Variants in RD3 observed in about 807,000 individuals in gnomAD.
RD3 encodes the protein RD3 regulator of GUCY2D.
A neutral mutation model predicts 16.9 loss-of-function variants in RD3; 11 were observed. The ratio of observed to expected loss-of-function variants is 0.65; its 90% CI spans 0.41 to 1.08. The LOEUF (loss-of-function observed/expected upper bound fraction) is 1.08. RD3 is among the 50% of genes least tolerant of loss of function. The pLI is 0.00. For synonymous variants in RD3, 116 were observed against 114.8 expected (o/e 1.01, Z -0.07); for missense variants, 274 against 267.4 (o/e 1.02, Z -0.17).
intron 1 of RD3, among the ~76,000 whole-genome samples, chr1:211,491,138 C>G (rs957202307): frequency 2.6e-5 from 4 of 152,162 alleles, no homozygotes; most frequent in African/African-American, 9.7e-5. Flanking sequence ...TTGGTCGCAG[C>G]TGGACTTTCC....
chr1:211,479,102 C>T lies in RD3; in HGVS notation c.522G>A (p.Glu174=). The change falls in exon 3 of 3, where the codon GAG becomes GAA. Residue 174 remains glutamate (E), a synonymous_variant. Transcript: ENST00000680073. The part of the protein sequence containing the change: ...SDIRTISEDV[E]RDTPPPLRSW... ...ACCGCAGTGGCGGCGGTGTGTCCCG[C>T]TCCACGTCCTCGGAGATGGTCCTGA... is the stretch of plus-strand genomic sequence containing the variant. 1 of 1,611,548 alleles carries T rather than the reference C, an allele frequency of 6.2e-7. No homozygotes were observed. The highest frequency in any genetic ancestry group is 8.5e-7 in the Non-Finnish European group (1 of 1,179,498).
chr1:211,487,307 G>C (rs901037819), intron 1 of RD3, among the ~76,000 whole-genome samples: 2 of 152,164 alleles, frequency 1.3e-5, no homozygotes, highest in African/African-American at 4.8e-5. Context: ...CCCATAACCT[G>C]CTTTGCCAGG....
Position 211,481,383 on chromosome 1 carries a change from C to G in RD3, c.33G>C (p.Glu11Asp), listed in dbSNP as rs776478767. The change falls in exon 2 of 3, where the codon GAG (glutamate) becomes GAC (aspartate). Residue 11 changes from glutamate (E) to aspartate (D), a missense_variant. Physicochemically the swap from Glu to Asp is conservative, Grantham distance 45. Coordinates refer to ENST00000680073, the MANE Select transcript of RD3 (RefSeq NM_001164688.2). ...TCCTGGTGGACAGCCGGGATGGGGC[C>G]TCGTTCCACCGAAGCCATGAGATGA... MSLISWLRWNEAPSRLSTRSP... is the reference protein window; with the variant it reads MSLISWLRWNDAPSRLSTRSP... The G allele has an allele frequency of 1.9e-6, 3 of 1,613,442 alleles. No individual in the cohort carries two copies. The highest frequency in any genetic ancestry group is 1.1e-5 in the South Asian group (1 of 91,054).
At chr1:211,491,599 T>C (rs575072867) in intron 1 of RD3, among the ~76,000 whole-genome samples, 169 bp downstream of exon 1, 1 of 152,214 alleles carries the variant, frequency 6.6e-6, no homozygotes. Flanking sequence ...GGGGCCTTCC[T>C]GTGGCCATCT....
At chr1:211,483,909 G>A (rs947083272) in intron 1 of RD3, among the ~76,000 whole-genome samples, 13 of 152,170 alleles carry the variant, frequency 8.5e-5, no homozygotes, top group South Asian at 2.1e-4. Context: ...GCGAGCATGC[G>A]GAGTCACTGT....
intron 1 of RD3, among the ~76,000 whole-genome samples, chr1:211,488,200 A>C (rs574847600): frequency 6.6e-6 from 1 of 152,328 alleles, no homozygotes; most frequent in East Asian, 1.9e-4. Flanking sequence ...TGCAGTGATC[A>C]GGGGTTGTAA....
Position 211,481,217 on chromosome 1 carries a change from G to C in RD3, c.199C>G (p.Pro67Ala). 1.9e-6 allele frequency: 3 copies of C among 1,614,276 alleles called. No homozygotes were observed. Among genetic ancestry groups the C allele is most frequent in the Non-Finnish European group, 2.5e-6 (3 of 1,180,058 alleles). The stretch of plus-strand genomic sequence containing the variant: ...GGGCTGAGGTCATAGGTGGACCGGG[G>C]TGTGCTGGCCAGCCAGCTGTAGTCC... Reference protein sequence around the residue: ...GVDYSWLASTPRSTYDLSPIE... With the variant: ...GVDYSWLASTARSTYDLSPIE... The change falls in exon 2 of 3, where the codon CCC becomes GCC. Residue 67 changes from proline to alanine, a missense_variant. Physicochemically the swap from Pro to Ala is conservative, Grantham distance 27. Transcript: ENST00000680073.
At chr1:211,489,167 T>C (rs1334022031) in intron 1 of RD3, among the ~76,000 whole-genome samples, 1 of 152,256 alleles carries the variant, frequency 6.6e-6, no homozygotes, top group Non-Finnish European at 1.5e-5. Context: ...GTAAATGTTT[T>C]ATTTTTATAA....
At chr1:211,489,396 C>A (rs1705439356) in intron 1 of RD3, among the ~76,000 whole-genome samples, 1 of 151,638 alleles carries the variant, frequency 6.6e-6, no homozygotes. Context: ...GGCTTTATCT[C>A]CAGCAGAAAC....
At position 211,491,177 on chromosome 1, in the gene RD3, C is replaced by A. The variant is rs112112041; in HGVS notation, c.-12+591G>T. ...TAGGCCCGATCTCCCTGGCGCCCCACCCTGCACCCATCTGCCTGGGCCCAC... is the reference window on the plus strand; with the variant it reads ...TAGGCCCGATCTCCCTGGCGCCCCAACCTGCACCCATCTGCCTGGGCCCAC... On this transcript the variant is annotated intron_variant, in intron 1 of 2. Coordinates refer to ENST00000680073, the MANE Select transcript of RD3 (RefSeq NM_001164688.2). Among the ~76,000 whole-genome samples the A allele has an allele frequency of 5.0e-3, 754 of 152,302 alleles. 11 individuals carry two copies. Among genetic ancestry groups the A allele is most frequent in the African/African-American group, 0.017 (705 of 41,554 alleles).
chr1:211,487,911 A>G (rs560631640), intron 1 of RD3, among the ~76,000 whole-genome samples: 11 of 152,244 alleles, frequency 7.2e-5, no homozygotes, highest in South Asian at 4.2e-4. Flanking sequence ...GAGAGGGGGG[A>G]AAACAAGCAG....
At chr1:211,488,019 T>C (rs976720492) in intron 1 of RD3, among the ~76,000 whole-genome samples, 2 of 152,346 alleles carry the variant, frequency 1.3e-5, no homozygotes, top group East Asian at 3.9e-4. Context: ...GCCCAGGAAG[T>C]GCCTGCCCCT....
chr1:211,487,595 C>A (rs1388335714), intron 1 of RD3, among the ~76,000 whole-genome samples: 1 of 152,240 alleles, frequency 6.6e-6, no homozygotes, highest in African/African-American at 2.4e-5. Context: ...TGGGAAAGCT[C>A]TACCTCAAAA....
At position 211,484,207 on chromosome 1, in the gene RD3, C is replaced by T. The variant is rs927524913; in HGVS notation, c.-11-2781G>A. Among the ~76,000 whole-genome samples, 4 of 152,190 alleles carry T rather than the reference C, an allele frequency of 2.6e-5. 1 individual carries two copies. Among genetic ancestry groups the T allele is most frequent in the Admixed American group, 1.3e-4 (2 of 15,282 alleles). On this transcript the variant is annotated intron_variant, in intron 1 of 2. Coordinates refer to ENST00000680073, the MANE Select transcript of RD3 (RefSeq NM_001164688.2). ...GTGTGGTATGTGGTCAGGGCCTGTG[C>T]CTTATTCACCTTTCCATCCCTGGGG... is the stretch of plus-strand genomic sequence containing the variant.
Position 211,478,704 on chromosome 1 carries a change from T to A in RD3, c.*332A>T, listed in dbSNP as rs1705198654. The A allele has an allele frequency of 6.2e-6, 2 of 322,884 alleles. No individual in the cohort carries two copies. The highest frequency in any genetic ancestry group is 1.1e-5 in the Non-Finnish European group (2 of 176,632). The allele number at this position is 322,884 out of a possible 1,614,324, so 20.0% of individuals were successfully genotyped here. ...GTCTTGCCAAAAGGCAGGGCAACTGTCCCCTTTTAGACAGAACCAGGAGAT... is the reference window on the plus strand; with the variant it reads ...GTCTTGCCAAAAGGCAGGGCAACTGACCCCTTTTAGACAGAACCAGGAGAT... On this transcript the variant is annotated 3_prime_UTR_variant, in exon 3 of 3. Coordinates refer to ENST00000680073, the MANE Select transcript of RD3 (RefSeq NM_001164688.2).
rs1319055739 is a variant in RD3 at position 211,476,777 on chromosome 1, A to G, written c.*2259T>C. On this transcript the variant is annotated 3_prime_UTR_variant, in exon 3 of 3. Transcript: ENST00000680073. ...TTACTTAAACTTAAGAAAGAACACC[A>G]CATTGAAAGCCTAAGGTCTTCCTTC... 6.6e-6 allele frequency: 1 copy of G among 152,154 alleles called. No individual in the cohort carries two copies. The highest frequency in any genetic ancestry group is 1.5e-5 in the Non-Finnish European group (1 of 68,046). 9.4% of individuals were successfully genotyped at this position (152,154 alleles called of 1,614,324 possible).
At position 211,481,125 on chromosome 1, in the gene RD3, G is replaced by A; in HGVS notation, c.291C>T (p.Ile97=). Residue 97 remains isoleucine (I), a synonymous_variant, in exon 2 of 3, where the codon ATC becomes ATT. Transcript: ENST00000680073. ...KIHPSYCGPA[I]LRFRQLLAEQ... ...GTCCCCATCCCAGTGCTCACCTGAG[G>A]ATAGCAGGCCCACAATAGGATGGGT... The A allele has an allele frequency of 1.9e-6, 3 of 1,614,196 alleles. No individual in the cohort carries two copies. Among genetic ancestry groups the A allele is most frequent in the Non-Finnish European group, 2.5e-6 (3 of 1,180,018 alleles).
At chr1:211,482,221 TAA>T (rs34384869) in intron 1 of RD3, among the ~76,000 whole-genome samples, 2 of 149,404 alleles carry the variant, frequency 1.3e-5, no homozygotes, top group African/African-American at 5.0e-5. Flanking sequence ...AAACTCCGTT[TAA>T]AAAAAAAACT....
chr1:211,479,670 C>T (rs550943697), intron 2 of RD3, among the ~76,000 whole-genome samples: 1 of 152,312 alleles, frequency 6.6e-6, no homozygotes, highest in Admixed American at 6.5e-5. Context: ...AGCCCTTTGC[C>T]GTGGCAGCCT....
Sources: gnomAD v4.1 joint callset for allele counts (sites outside exome capture counted in the v4.1 genomes callset) on GRCh38, gnomAD v4.1.1 for gene constraint, MANE v1.5 for transcripts, NCBI Gene and HGNC (gene_info 2026-07-23, HGNC 2026-07-21) for gene names.